The following CHDH variants were observed in gnomAD, a reference collection of about 807,000 sequenced individuals.
CHDH encodes the protein choline dehydrogenase.
A neutral mutation model predicts 56.9 loss-of-function variants in CHDH; 43 were observed. The observed-to-expected ratio is 0.76, with a 90% CI of 0.59 to 0.97. The LOEUF is 0.97. Among genes scored for constraint, CHDH ranks in the 50% least tolerant of loss-of-function variants. The pLI, the probability that CHDH is intolerant of heterozygous loss-of-function variation, is 0.00. For missense variants in CHDH, 816 were observed against 821.1 expected (o/e 0.99, Z 0.08); for synonymous variants, 364 against 348.5 (o/e 1.04, Z -0.50).
chr3:53,843,668 G>C (rs996005351), intron 1 of CHDH, among the ~76,000 whole-genome samples: 1 of 152,040 alleles, frequency 6.6e-6, no homozygotes, highest in African/African-American at 2.4e-5. Flanking sequence ...CATTTAATGA[G>C]CACCCCCTAC....
At position 53,823,992 on chromosome 3, in the gene CHDH, C is replaced by G. The variant is rs981234476; in HGVS notation, c.17G>C (p.Arg6Pro). Residue 6 changes from arginine to proline, a missense_variant, in exon 3 of 9, where the codon CGA becomes CCA. By Grantham distance (103) the Arg-to-Pro change is moderately radical. Coordinates refer to ENST00000315251, the MANE Select transcript of CHDH (RefSeq NM_018397.5). MWCLL[R>P]GLGRPGALAR... ...CAGGGCTCCAGGCCGGCCCAGGCCT[C>G]GTAGGAGACACCACATGCTTCTATC... is the stretch of plus-strand genomic sequence containing the variant. The G allele has an allele frequency of 6.7e-7, 1 of 1,488,090 alleles. No homozygotes were observed. Among genetic ancestry groups the G allele is most frequent in the South Asian group, 1.3e-5 (1 of 76,558 alleles). The allele number at this position is 1,488,090 out of a possible 1,614,324, so 92.2% of individuals were successfully genotyped here. A position where few individuals can be genotyped will look rare whatever the true frequency, so the allele number is the denominator to read the frequency against.
In CHDH at chr3:53,825,137, C is replaced by T. The variant is rs144493187; in HGVS notation, c.-59-1070G>A. Among the ~76,000 whole-genome samples the T allele has an allele frequency of 6.1e-3, 929 of 152,360 alleles. 9 individuals are homozygous for T. The highest frequency in any genetic ancestry group is 0.034 in the Middle Eastern group (10 of 294). ...CCAGACTGACAACACTCCACACTAA[C>T]AACCCAACAGAATGAAAGACAGGTC... On this transcript the variant is annotated intron_variant, in intron 2 of 8. Coordinates refer to ENST00000315251, the MANE Select transcript of CHDH (RefSeq NM_018397.5).
Position 53,814,238 on chromosome 3 carries a change from C to G in CHDH, c.*3539G>C, listed in dbSNP as rs546715764. The G allele has an allele frequency of 1.3e-5, 2 of 152,314 alleles. No homozygotes were observed. The highest frequency in any genetic ancestry group is 4.8e-5 in the African/African-American group (2 of 41,568). 9.4% of individuals were successfully genotyped at this position (152,314 alleles called of 1,614,324 possible). On this transcript the variant is annotated 3_prime_UTR_variant, in exon 9 of 9. Transcript: ENST00000315251. ...GTAAGTGTCTTTGCCAATTGCATTTCCTAGAAAAGTTGTACTGTTTTGATA... is the reference window on the plus strand; with the variant it reads ...GTAAGTGTCTTTGCCAATTGCATTTGCTAGAAAAGTTGTACTGTTTTGATA...
rs896136850 is a variant in CHDH at position 53,816,362 on chromosome 3, A to T, written c.*1415T>A. ...CAGAACAGTCTGGAGAAGGCATCTC[A>T]GTTCAAATGTGAGTGACTGGATCAC... On this transcript the variant is annotated 3_prime_UTR_variant, in exon 9 of 9. Coordinates refer to ENST00000315251, the MANE Select transcript of CHDH (RefSeq NM_018397.5). The T allele has an allele frequency of 1.3e-5, 2 of 152,248 alleles. No homozygotes were observed. Among genetic ancestry groups the T allele is most frequent in the Admixed American group, 1.3e-4 (2 of 15,286 alleles). The allele number at this position is 152,248 out of a possible 1,614,324, so 9.4% of individuals were successfully genotyped here.
chr3:53,823,955 G>A lies in CHDH; in HGVS notation c.54C>T (p.Ala18=), dbSNP rs61746180. ...LGRPGALARG[A]LGQQQSLGAR... ...CACCCAGGGATTGCTGCTGCCCCAGGGCTCCCCGTGCCAGGGCTCCAGGCC... is the reference window on the plus strand; with the variant it reads ...CACCCAGGGATTGCTGCTGCCCCAGAGCTCCCCGTGCCAGGGCTCCAGGCC... Residue 18 remains alanine, a synonymous_variant, in exon 3 of 9, where the codon GCC becomes GCT. Coordinates refer to ENST00000315251, the MANE Select transcript of CHDH (RefSeq NM_018397.5). 1.3e-3 allele frequency: 1,972 copies of A among 1,519,528 alleles called. 20 individuals are homozygous for A. In the African/African-American group the frequency reaches 0.023, roughly 18 times the overall value. 94.1% of individuals were successfully genotyped at this position (1,519,528 alleles called of 1,614,324 possible).
chr3:53,823,331 G>C lies in CHDH; in HGVS notation c.678C>G (p.Gly226=). ...DMNGFQQEGF[G]WMDMTIHEGK... is the part of the protein sequence containing the mutation. ...CTTCATGGATGGTCATGTCCATCCA[G>C]CCGAAGCCCTCCTGCTGGAAGCCAT... The change falls in exon 3 of 9, where the codon GGC becomes GGG. Residue 226 remains glycine (G), a synonymous_variant. Transcript: ENST00000315251. 6.3e-7 allele frequency: 1 copy of C among 1,586,748 alleles called. No individual in the cohort carries two copies. The highest frequency in any genetic ancestry group is 8.6e-7 in the Non-Finnish European group (1 of 1,165,244).
chr3:53,833,161 T>C (rs1200688779), intron 2 of CHDH, among the ~76,000 whole-genome samples: 1 of 152,178 alleles, frequency 6.6e-6, no homozygotes, highest in Non-Finnish European at 1.5e-5. Flanking sequence ...ATAATTAAAA[T>C]TGACAAGATC....
intron 2 of CHDH, among the ~76,000 whole-genome samples, chr3:53,828,346 C>T (rs1392203463): frequency 2.6e-5 from 4 of 152,118 alleles, no homozygotes; most frequent in African/African-American, 9.7e-5. Context: ...TTGACGATGA[C>T]TTTATATATT....
Position 53,819,432 on chromosome 3 carries a change from A to G in CHDH, c.1263+100T>C, listed in dbSNP as rs1454064432. On this transcript the variant is annotated intron_variant, in intron 7 of 8. Coordinates refer to ENST00000315251, the MANE Select transcript of CHDH (RefSeq NM_018397.5). The surrounding 1 kb of genome is among the most constrained non-coding windows in gnomAD (Gnocchi z 5.4). ...CCTCTGTGTCCCCCACTCTGCAGCC[A>G]TATGGCACCAGGGAGAATGCTGCCT... is the stretch of plus-strand genomic sequence containing the variant. The G allele has an allele frequency of 1.4e-6, 2 of 1,468,866 alleles. No individual in the cohort carries two copies. The highest frequency in any genetic ancestry group is 2.1e-5 in the Admixed American group (1 of 46,846). 91.0% of individuals were successfully genotyped at this position (1,468,866 alleles called of 1,614,324 possible). A position where few individuals can be genotyped will look rare whatever the true frequency, so the allele number is the denominator to read the frequency against.
rs182622488 is a variant in CHDH, at chr3:53,838,204, G to A, written c.-60+2725C>T. Among the ~76,000 whole-genome samples the A allele has an allele frequency of 2.4e-3, 359 of 152,276 alleles. 1 individual carries two copies. Among genetic ancestry groups the A allele is most frequent in the Non-Finnish European group, 3.9e-3 (265 of 68,024 alleles). ...CTACTATTTCTTCTCCCTTGCAGGC[G>A]TGTCTGTGGATCCAGTCTGTGCAGG... On this transcript the variant is annotated intron_variant, in intron 2 of 8. Coordinates refer to ENST00000315251, the MANE Select transcript of CHDH (RefSeq NM_018397.5).
rs547311580 is a variant in CHDH at position 53,822,401 on chromosome 3, G to T, written c.855+90C>A. 2.4e-5 allele frequency: 30 copies of T among 1,259,294 alleles called. No homozygotes were observed. In the African/African-American group the frequency reaches 3.8e-4, roughly 16 times the overall value. 78.0% of individuals were successfully genotyped at this position (1,259,294 alleles called of 1,614,324 possible). ...CAGGGATGAGCACGTGGGTCTGGGG[G>T]TGAGGGCGTGACTCCTGCCCACTCT... is the stretch of plus-strand genomic sequence containing the variant. On this transcript the variant is annotated intron_variant, in intron 4 of 8. Coordinates refer to ENST00000315251, the MANE Select transcript of CHDH (RefSeq NM_018397.5).
intron 2 of CHDH, among the ~76,000 whole-genome samples, chr3:53,827,166 C>T (rs1252743505): frequency 6.6e-6 from 1 of 152,142 alleles, no homozygotes; most frequent in Non-Finnish European, 1.5e-5. Context: ...ATTGTAATCA[C>T]CAATGTTGGA....
chr3:53,838,474 A>G (rs901385247), intron 2 of CHDH, among the ~76,000 whole-genome samples: 2 of 152,166 alleles, frequency 1.3e-5, no homozygotes, highest in Non-Finnish European at 1.5e-5. Flanking sequence ...CCTCGGGTGA[A>G]AGTAGGGAGG....
intron 3 of CHDH, among the ~76,000 whole-genome samples, chr3:53,823,070 A>G (rs1262861352): frequency 6.6e-6 from 1 of 152,094 alleles, no homozygotes; most frequent in African/African-American, 2.4e-5. Context: ...TATCCACACC[A>G]ACAGGGGCCA....
chr3:53,818,873 T>TAAAC, intron 8 of CHDH, 65 bp downstream of exon 8: 2 of 1,001,530 alleles, frequency 2.0e-6, no homozygotes, highest in Non-Finnish European at 3.2e-6. Context: ...GATTCAGGGA[T>TAAAC]AAACAGGAAC....
rs1024839952 is a variant in CHDH at position 53,817,585 on chromosome 3, A to C, written c.*192T>G. The C allele has an allele frequency of 3.6e-6, 2 of 559,540 alleles. No individual in the cohort carries two copies. 34.7% of individuals were successfully genotyped at this position (559,540 alleles called of 1,614,324 possible). A position where few individuals can be genotyped will look rare whatever the true frequency, so the allele number is the denominator to read the frequency against. On this transcript the variant is annotated 3_prime_UTR_variant, in exon 9 of 9. Transcript: ENST00000315251. ...ATGGCCCACAGGGAAAGGCTGGGGA[A>C]AAGGAGCTGGATTCACTGCCCAGTA...
intron 5 of CHDH, 36 bp downstream of exon 5, chr3:53,821,611 G>A (rs879889911): frequency 6.3e-7 from 1 of 1,597,266 alleles, no homozygotes; most frequent in African/African-American, 1.3e-5. Context: ...GTTGAGCAGA[G>A]ACAGCCTCTG....
intron 4 of CHDH, 111 bp from the exon 5 acceptor site, chr3:53,821,887 A>C: frequency 7.2e-7 from 1 of 1,391,508 alleles, no homozygotes; most frequent in Non-Finnish European, 9.7e-7. Flanking sequence ...GGGATGTAGA[A>C]TCCTGTGGCA....
At chr3:53,835,079 C>G (rs9854886) in intron 2 of CHDH, among the ~76,000 whole-genome samples, 6,427 of 152,282 alleles carry the variant, frequency 0.042, 492 homozygotes, top group African/African-American at 0.15. Flanking sequence ...AGCCCTTTGT[C>G]TCAGCAATCC....
Sources: allele counts gnomAD v4.1 joint callset (sites outside exome capture counted in the v4.1 genomes callset), GRCh38; gene constraint gnomAD v4.1.1; non-coding constraint Gnocchi (gnomAD v3.1); transcripts MANE v1.5; gene names NCBI Gene and HGNC (gene_info 2026-07-23, HGNC 2026-07-21).